The following LRP2 variants were observed in gnomAD, a reference collection of about 807,000 sequenced individuals.
LRP2 encodes low-density lipoprotein receptor-related protein 2.
LRP2 carries 172 observed loss-of-function variants against 531.0 expected under a neutral mutation model. The observed-to-expected ratio is 0.32, with a 90% CI of 0.29 to 0.37. The LOEUF is 0.37. Among genes scored for constraint, LRP2 ranks in the 10% least tolerant of loss-of-function variants. The pLI, the probability that LRP2 is intolerant of heterozygous loss-of-function variation, is 1.00. For synonymous variants in LRP2, 1,992 were observed against 2,027.6 expected, an observed-to-expected ratio of 0.98 and a Z score of 0.47; for missense variants, 5,167 against 5,868.3, an observed-to-expected ratio of 0.88 and a Z score of 3.90.
intron 62 of LRP2, among the ~76,000 whole-genome samples, chr2:169,164,673 A>G (rs1484911317): frequency 6.6e-6 from 1 of 152,180 alleles, no homozygotes; most frequent in Non-Finnish European, 1.5e-5. Context: ...CTTGACTGTC[A>G]TTAAACTTTA....
intron 3 of LRP2, among the ~76,000 whole-genome samples, chr2:169,317,420 C>T (rs1684792254): frequency 6.6e-6 from 1 of 152,066 alleles, no homozygotes; most frequent in African/African-American, 2.4e-5. Flanking sequence ...GAATGTCAGG[C>T]CTTCAGGATG....
rs867864517 is a variant in LRP2 at position 169,350,978 on chromosome 2, C to T, written c.79+11343G>A. On this transcript the variant is annotated intron_variant, in intron 1 of 78. Transcript: ENST00000649046. ...AGGGCCATGAGACAGGATGAGGCCA[C>T]CAAGGAGGCAGTGTAGCTAGAGATG... 1.1e-4 allele frequency among the ~76,000 whole-genome samples: 17 copies of T among 152,124 alleles called. No homozygotes were observed. The Middle Eastern group carries it at 0.01, about 91-fold the overall frequency.
At chr2:169,240,887 C>T in intron 25 of LRP2, 101 bp downstream of exon 25, 1 of 1,442,238 alleles carries the variant, frequency 6.9e-7, no homozygotes, top group Admixed American at 1.7e-5. Flanking sequence ...GAACTGAAAT[C>T]CTTCCTACAA....
In LRP2 at chr2:169,294,217, A is replaced by G; in HGVS notation, c.583T>C (p.Cys195Arg). The change falls in exon 6 of 79, where the codon TGT becomes CGT. Residue 195 changes from cysteine to arginine, a missense_variant. Coordinates refer to ENST00000649046, the MANE Select transcript of LRP2 (RefSeq NM_004525.3). ...TCACAGACATAAGCACGAGGGATAC[A>G]CTCTCCATTGCCACATGAAAACTCA... Reference protein sequence around the residue: ...HNEFSCGNGECIPRAYVCDHD... With the variant: ...HNEFSCGNGERIPRAYVCDHD... 6.2e-7 allele frequency: 1 copy of G among 1,613,786 alleles called. No individual in the cohort carries two copies. The highest frequency in any genetic ancestry group is 8.5e-7 in the Non-Finnish European group (1 of 1,179,816).
chr2:169,300,719 T>C (rs1020397857), intron 4 of LRP2, among the ~76,000 whole-genome samples: 3 of 152,210 alleles, frequency 2.0e-5, no homozygotes, highest in Middle Eastern at 3.4e-3. Context: ...GTGAGAATGC[T>C]AAAAAGGTAC....
chr2:169,128,985 T>A (rs779610810), intron 78 of LRP2, 28 bp downstream of exon 78: 2 of 1,574,754 alleles, frequency 1.3e-6, no homozygotes, highest in African/African-American at 2.7e-5. Flanking sequence ...AAAAAATGTC[T>A]GTGCTAAGAA....
chr2:169,244,874 G>A lies in LRP2; in HGVS notation c.3249C>T (p.His1083=). Residue 1083 remains histidine (H), a synonymous_variant, in exon 22 of 79, where the codon CAC becomes CAT. Transcript: ENST00000649046. ...TCGHGECIPA[H]WRCDKRNDCV... is the part of the protein sequence containing the mutation. ...AGTCGTTGCGTTTGTCACAGCGCCA[G>A]TGTGCAGGAATGCACTCCCCATGGC... 1 of 1,614,262 alleles carries A rather than the reference G, an allele frequency of 6.2e-7. No individual in the cohort carries two copies. The highest frequency in any genetic ancestry group is 8.5e-7 in the Non-Finnish European group (1 of 1,180,038).
chr2:169,248,283 A>T (rs1690092923), intron 19 of LRP2, among the ~76,000 whole-genome samples: 1 of 152,204 alleles, frequency 6.6e-6, no homozygotes, highest in Non-Finnish European at 1.5e-5. Flanking sequence ...ATCAATGTGG[A>T]TTTTCTCTTT....
At chr2:169,280,268 T>A in intron 11 of LRP2, 82 bp downstream of exon 11, 1 of 1,497,812 alleles carries the variant, frequency 6.7e-7, no homozygotes, top group Non-Finnish European at 9.3e-7. Flanking sequence ...AAAGGAACTT[T>A]CCCCTCTACT....
At chr2:169,319,000 C>T in intron 2 of LRP2, 116 bp from the exon 3 acceptor site, 2 of 1,323,122 alleles carry the variant, frequency 1.5e-6, no homozygotes, top group Non-Finnish European at 2.1e-6. Context: ...TATTTGAAGG[C>T]AAATAGTAAA....
intron 76 of LRP2, among the ~76,000 whole-genome samples, chr2:169,134,885 T>C (rs940125486): frequency 2.6e-5 from 4 of 152,166 alleles, no homozygotes; most frequent in Non-Finnish European, 5.9e-5. Flanking sequence ...TCAGATCCCA[T>C]CGCTCAGGAC....
Position 169,328,456 on chromosome 2 carries a change from AAAAAAAAAG to A in LRP2, c.80-7581_80-7573del, listed in dbSNP as rs1685180191. 6.8e-5 allele frequency among the ~76,000 whole-genome samples: 10 copies of A among 147,190 alleles called. No individual in the cohort carries two copies. In the South Asian group the frequency reaches 1.0e-3, roughly 15 times the overall value. The stretch of plus-strand genomic sequence containing the variant: ...CGGGCCGGGATAAAAAAAAAAAAAA[AAAAAAAAAG>A]AAAAAAAAAGAAATAAATAAATAAA... On this transcript the variant is annotated intron_variant, in intron 1 of 78. Transcript: ENST00000649046.
intron 1 of LRP2, among the ~76,000 whole-genome samples, chr2:169,338,757 C>T (rs1685488829): frequency 6.6e-6 from 1 of 152,186 alleles, no homozygotes; most frequent in South Asian, 2.1e-4. Flanking sequence ...TGGGAAACTA[C>T]TATAATATTA....
intron 8 of LRP2, 57 bp from the exon 9 acceptor site, chr2:169,289,202 A>C (rs182237856): frequency 1.9e-6 from 3 of 1,606,330 alleles, no homozygotes; most frequent in Middle Eastern, 1.7e-4. Context: ...AAGACTGATT[A>C]ATCTAATAGC....
intron 3 of LRP2, 146 bp downstream of exon 3, chr2:169,318,616 A>AT (rs1390554922): frequency 9.1e-7 from 1 of 1,102,086 alleles, no homozygotes; most frequent in African/African-American, 1.5e-5. Context: ...CAACCCCTGA[A>AT]TGAGATTGCT....
intron 1 of LRP2, among the ~76,000 whole-genome samples, chr2:169,344,993 T>C (rs1317363612): frequency 6.6e-6 from 1 of 152,172 alleles, no homozygotes; most frequent in African/African-American, 2.4e-5. Flanking sequence ...GAAAATAGCC[T>C]TTAATCTTAA....
intron 70 of LRP2, among the ~76,000 whole-genome samples, chr2:169,144,160 C>A: frequency 6.6e-6 from 1 of 152,306 alleles, no homozygotes; most frequent in East Asian, 1.9e-4. Flanking sequence ...ACTGGAGCAG[C>A]GGTTCTCAAA....
In LRP2 at chr2:169,243,475, G is replaced by A. The variant is rs1368584894; in HGVS notation, c.3478C>T (p.Arg1160Ter). The A allele has an allele frequency of 1.2e-6, 2 of 1,613,972 alleles. No homozygotes were observed. The highest frequency in any genetic ancestry group is 1.7e-6 in the Non-Finnish European group (2 of 1,179,994). The change falls in exon 23 of 79, where the codon CGA becomes TGA. Residue 1160 changes from arginine (R) to a stop codon, truncating the protein, a stop_gained. Transcript: ENST00000649046. LOFTEE classifies it high-confidence loss of function. Reference sequence around the variant, plus strand: ...CAGACAAACGATAGGTCAATACATCGATGATTGGGGCAATTAAACTGACTA... The same window carrying A: ...CAGACAAACGATAGGTCAATACATCAATGATTGGGGCAATTAAACTGACTA... ...QPSQFNCPNH[R>*]CIDLSFVCDG...
chr2:169,284,256 C>CTCTTTTT (rs1553508684), intron 9 of LRP2, among the ~76,000 whole-genome samples: 13 of 96,648 alleles, frequency 1.3e-4, no homozygotes, highest in Non-Finnish European at 2.3e-4. Context: ...TCTTTTTTTT[C>CTCTTTTT]TTTTTTTTTT....
Sources: gnomAD v4.1 joint callset for allele counts (sites outside exome capture counted in the v4.1 genomes callset) on GRCh38, gnomAD v4.1.1 for gene constraint, MANE v1.5 for transcripts, NCBI Gene and HGNC (gene_info 2026-07-23, HGNC 2026-07-21) for gene names.